Variants in ITGA8 observed in about 807,000 individuals in gnomAD.
ITGA8 encodes integrin subunit alpha 8, also known as integrin alpha-8.
ITGA8 carries 91 observed loss-of-function variants against 142.3 expected under a neutral mutation model. The ratio of observed to expected loss-of-function variants is 0.64; its 90% CI spans 0.54 to 0.76. The LOEUF (loss-of-function observed/expected upper bound fraction) is 0.76, where lower values mean the gene tolerates loss of function less well. Among genes scored for constraint, ITGA8 ranks in the 30% least tolerant of loss-of-function variants. The pLI is 0.00. For synonymous variants in ITGA8, 505 were observed against 485.2 expected, an observed-to-expected ratio of 1.04 and a Z score of -0.54; for missense variants, 1,406 against 1,327.7, an observed-to-expected ratio of 1.06 and a Z score of -0.92.
intron 20 of ITGA8, among the ~76,000 whole-genome samples, chr10:15,601,372 G>A (rs1055901083): frequency 2.6e-5 from 4 of 152,126 alleles, no homozygotes; most frequent in Non-Finnish European, 2.9e-5. Context: ...CCCTAGAATC[G>A]TTCACAGAGA....
chr10:15,573,631 C>G (rs1834229113), intron 24 of ITGA8, among the ~76,000 whole-genome samples: 1 of 152,168 alleles, frequency 6.6e-6, no homozygotes, highest in South Asian at 2.1e-4. Flanking sequence ...CAGTTCATCA[C>G]TTTTGAAAAG....
intron 27 of ITGA8, among the ~76,000 whole-genome samples, chr10:15,534,190 G>A (rs542191139): frequency 1.6e-4 from 24 of 152,196 alleles, no homozygotes; most frequent in East Asian, 3.9e-4. Context: ...CATCACAGGC[G>A]TGTGCCACCA....
At chr10:15,704,577 A>G (rs1375654737) in intron 2 of ITGA8, among the ~76,000 whole-genome samples, 1 of 152,214 alleles carries the variant, frequency 6.6e-6, no homozygotes, top group African/African-American at 2.4e-5. Flanking sequence ...CACACTTGGA[A>G]TAATTACCTA....
chr10:15,565,135 TG>T (rs1834055257), intron 25 of ITGA8, among the ~76,000 whole-genome samples: 1 of 152,330 alleles, frequency 6.6e-6, no homozygotes, highest in East Asian at 1.9e-4. Flanking sequence ...TTCTTTTTGA[TG>T]GTCGAGAATT....
intron 27 of ITGA8, among the ~76,000 whole-genome samples, chr10:15,543,977 G>A (rs1028288026): frequency 6.6e-6 from 1 of 152,092 alleles, no homozygotes; most frequent in Admixed American, 6.5e-5. Context: ...GCCACTGAAT[G>A]CCCAGGATTA....
intron 13 of ITGA8, among the ~76,000 whole-genome samples, chr10:15,627,431 T>A (rs7076619): frequency 0.22 from 32,857 of 152,100 alleles, 3,736 homozygotes; most frequent in Admixed American, 0.32. Flanking sequence ...ACGCTGGCTA[T>A]CTCGTGAACT....
intron 27 of ITGA8, among the ~76,000 whole-genome samples, chr10:15,538,987 C>A: frequency 7.6e-6 from 1 of 132,258 alleles, no homozygotes; most frequent in Non-Finnish European, 1.6e-5. Context: ...TTTAACGTTT[C>A]CTTAGAAGAC....
chr10:15,694,052 T>A (rs1187544497), intron 2 of ITGA8, among the ~76,000 whole-genome samples: 1 of 148,720 alleles, frequency 6.7e-6, no homozygotes, highest in Non-Finnish European at 1.5e-5. Context: ...TCAATGGCTT[T>A]AATATATACA....
Position 15,575,408 on chromosome 10 carries a change from G to A in ITGA8, c.2478+81C>T, listed in dbSNP as rs9333189. On this transcript the variant is annotated intron_variant, in intron 24 of 29. Coordinates refer to ENST00000378076, the MANE Select transcript of ITGA8 (RefSeq NM_003638.3). ...CTGTCTCAATAATAATAATGATAAT[G>A]ATAATAATGCTACATAGAATTTATT... 2.1e-3 allele frequency: 2,056 copies of A among 977,836 alleles called. 30 individuals are homozygous for A. The African/African-American group carries it at 0.028, about 13-fold the overall frequency. 60.6% of individuals were successfully genotyped at this position (977,836 alleles called of 1,614,324 possible). A position where few individuals can be genotyped will look rare whatever the true frequency, so the allele number is the denominator to read the frequency against.
At chr10:15,673,939 T>C (rs1834577833) in intron 6 of ITGA8, among the ~76,000 whole-genome samples, 1 of 148,760 alleles carries the variant, frequency 6.7e-6, no homozygotes, top group Admixed American at 6.6e-5. Flanking sequence ...ATGTTTACCA[T>C]GGACATCTAA....
chr10:15,640,105 G>C (rs781204788), intron 13 of ITGA8, among the ~76,000 whole-genome samples: 1 of 152,194 alleles, frequency 6.6e-6, no homozygotes, highest in Admixed American at 6.5e-5. Flanking sequence ...AACTGCAACC[G>C]CTTGCAAAAG....
At chr10:15,536,274 T>A (rs1331908776) in intron 27 of ITGA8, among the ~76,000 whole-genome samples, 1 of 152,124 alleles carries the variant, frequency 6.6e-6, no homozygotes, top group African/African-American at 2.4e-5. Flanking sequence ...AAAGTAAGGT[T>A]TCTTCCACCC....
chr10:15,534,411 T>C (rs533794196), intron 27 of ITGA8, among the ~76,000 whole-genome samples: 15 of 152,376 alleles, frequency 9.8e-5, no homozygotes, highest in Admixed American at 6.5e-4. Flanking sequence ...GCAAGGCATA[T>C]TCCTTGGAAT....
rs1588647927 is a variant in ITGA8, at chr10:15,565,728, T to C, written c.2637+6483A>G. Among the ~76,000 whole-genome samples the C allele has an allele frequency of 5.3e-5, 8 of 151,804 alleles. 1 individual carries two copies. Among genetic ancestry groups the C allele is most frequent in the Admixed American group, 5.3e-4 (8 of 15,224 alleles). On this transcript the variant is annotated intron_variant, in intron 25 of 29. Coordinates refer to ENST00000378076, the MANE Select transcript of ITGA8 (RefSeq NM_003638.3). ...CCTCAGCCTCCTGAGTAGCTGGGAT[T>C]GCAGGCACCCACCACCACGCCCAGC...
intron 6 of ITGA8, among the ~76,000 whole-genome samples, chr10:15,674,113 A>G (rs1256824961): frequency 6.6e-6 from 1 of 152,238 alleles, no homozygotes; most frequent in African/African-American, 2.4e-5. Context: ...CTGTCAAACT[A>G]GATCATAAAT....
intron 2 of ITGA8, among the ~76,000 whole-genome samples, chr10:15,709,243 G>A (rs950247221): frequency 6.6e-6 from 1 of 152,138 alleles, no homozygotes; most frequent in African/African-American, 2.4e-5. Flanking sequence ...TTTCAGAAAC[G>A]CTGCTCCAGC....
Position 15,516,132 on chromosome 10 carries a change from AAAT to A in ITGA8, c.*1023_*1025del, listed in dbSNP as rs978981910. ...AAGTGTTGCTTCTTATAGATATTAA[AAAT>A]AATGTTTACCCATAATGTTAAATTG... On this transcript the variant is annotated 3_prime_UTR_variant, in exon 30 of 30. Coordinates refer to ENST00000378076, the MANE Select transcript of ITGA8 (RefSeq NM_003638.3). The A allele has an allele frequency of 6.6e-6, 1 of 152,226 alleles. No homozygotes were observed. The highest frequency in any genetic ancestry group is 1.5e-5 in the Non-Finnish European group (1 of 68,038). The allele number at this position is 152,226 out of a possible 1,614,324, so 9.4% of individuals were successfully genotyped here.
chr10:15,646,680 A>T (rs1443779051), intron 12 of ITGA8, among the ~76,000 whole-genome samples, 166 bp downstream of exon 12: 1 of 152,234 alleles, frequency 6.6e-6, no homozygotes, highest in African/African-American at 2.4e-5. Flanking sequence ...TATATTAGTC[A>T]AAATGTATAA....
chr10:15,522,295 T>A (rs567375373), intron 28 of ITGA8, among the ~76,000 whole-genome samples: 14 of 152,236 alleles, frequency 9.2e-5, no homozygotes, highest in Non-Finnish European at 2.1e-4. Context: ...AGATTATTTC[T>A]CTTGTTATGT....
Sources: allele counts gnomAD v4.1 joint callset (sites outside exome capture counted in the v4.1 genomes callset), GRCh38; gene constraint gnomAD v4.1.1; transcripts MANE v1.5; gene names NCBI Gene and HGNC (gene_info 2026-07-23, HGNC 2026-07-21).